Variants in HDAC4 observed in about 807,000 individuals in gnomAD.
HDAC4 encodes the protein histone deacetylase 4.
Under a neutral mutation model 135.1 loss-of-function variants are expected in HDAC4, and 16 were observed. The observed-to-expected ratio is 0.12, with a 90% CI of 0.08 to 0.18. The LOEUF is 0.18. HDAC4 is among the 10% of genes least tolerant of loss of function. The pLI is 1.00. For synonymous variants in HDAC4, 685 were observed against 653.4 expected, an observed-to-expected ratio of 1.05 and a Z score of -0.74; for missense variants, 1,143 against 1,511.8, an observed-to-expected ratio of 0.76 and a Z score of 4.05.
chr2:239,112,000 G>C (rs535476157), intron 13 of HDAC4, among the ~76,000 whole-genome samples: 1 of 152,308 alleles, frequency 6.6e-6, no homozygotes, highest in East Asian at 1.9e-4. Flanking sequence ...TACGTTAACA[G>C]GATAACACAG....
chr2:239,328,980 G>A (rs541533145), intron 2 of HDAC4, among the ~76,000 whole-genome samples: 24 of 152,350 alleles, frequency 1.6e-4, no homozygotes, highest in African/African-American at 4.8e-4. Flanking sequence ...TGGCTGCTGC[G>A]AACCTGCCTG....
At chr2:239,226,909 G>A (rs763714668) in intron 3 of HDAC4, among the ~76,000 whole-genome samples, 10 of 152,206 alleles carry the variant, frequency 6.6e-5, no homozygotes, top group Non-Finnish European at 1.2e-4. Context: ...AAAAATAACA[G>A]AGTGAACACA....
chr2:239,209,021 G>A (rs2046219898), intron 3 of HDAC4, among the ~76,000 whole-genome samples: 1 of 152,172 alleles, frequency 6.6e-6, no homozygotes, highest in South Asian at 2.1e-4. Flanking sequence ...AGACTACAGA[G>A]GCGCGCCATC....
intron 19 of HDAC4, among the ~76,000 whole-genome samples, chr2:239,086,282 A>G (rs1367897626): frequency 1.1e-5 from 1 of 94,422 alleles, no homozygotes; most frequent in Non-Finnish European, 2.2e-5. Flanking sequence ...TCTCGCACGT[A>G]GTCTCTTCCC....
intron 2 of HDAC4, among the ~76,000 whole-genome samples, chr2:239,278,230 G>A (rs564905352): frequency 3.3e-5 from 5 of 151,972 alleles, no homozygotes; most frequent in African/African-American, 1.2e-4. Context: ...CAAGCCAAGT[G>A]GGGGTGACTT....
At chr2:239,096,187 T>C (rs999490834) in intron 16 of HDAC4, among the ~76,000 whole-genome samples, 2 of 152,082 alleles carry the variant, frequency 1.3e-5, no homozygotes, top group African/African-American at 4.8e-5. Flanking sequence ...GCCGGCCCGG[T>C]TAGCACGAGA....
At chr2:239,361,917 A>G (rs1693893816) in intron 1 of HDAC4, among the ~76,000 whole-genome samples, 1 of 152,264 alleles carries the variant, frequency 6.6e-6, no homozygotes, top group Non-Finnish European at 1.5e-5. Flanking sequence ...TCACTTTTCT[A>G]AGAAAACACA....
chr2:239,390,740 G>A (rs989866227), intron 1 of HDAC4, among the ~76,000 whole-genome samples: 13 of 152,126 alleles, frequency 8.5e-5, no homozygotes, highest in African/African-American at 3.1e-4. Context: ...TTGCTACCAG[G>A]AGCCGCCACA....
At chr2:239,274,685 C>A (rs1202479409) in intron 2 of HDAC4, among the ~76,000 whole-genome samples, 1 of 152,234 alleles carries the variant, frequency 6.6e-6, no homozygotes, top group Non-Finnish European at 1.5e-5. Flanking sequence ...TGGCCCTCCA[C>A]GGCGGGGCTC....
intron 6 of HDAC4, among the ~76,000 whole-genome samples, chr2:239,158,342 A>G (rs2042555424): frequency 6.6e-6 from 1 of 152,186 alleles, no homozygotes; most frequent in South Asian, 2.1e-4. Flanking sequence ...TGACTTGTAC[A>G]TGCATCCCAC....
At chr2:239,074,834 C>T (rs10172353) in intron 22 of HDAC4, among the ~76,000 whole-genome samples, 27,030 of 152,160 alleles carry the variant, frequency 0.18, 2,733 homozygotes, top group African/African-American at 0.26. Context: ...GACTTTCCTA[C>T]AAGAGGAAGC....
Position 239,285,229 on chromosome 2 carries a change from G to A in HDAC4, c.23-48565C>T. On this transcript the variant is annotated intron_variant, in intron 2 of 26. Coordinates refer to ENST00000543185, the MANE Select transcript of HDAC4 (RefSeq NM_001378414.1). This position sits in a 1 kb window ranked among gnomAD's most constrained non-coding sequence, Gnocchi z 4.5. The stretch of plus-strand genomic sequence containing the variant: ...ATGAGCACAGAGCCACGGTGGAGGG[G>A]GACAGAGCCACGCTAAGGAGGAACA... 6.6e-6 allele frequency among the ~76,000 whole-genome samples: 1 copy of A among 152,350 alleles called. No individual in the cohort carries two copies. The highest frequency in any genetic ancestry group is 2.4e-5 in the African/African-American group (1 of 41,588).
chr2:239,120,769 G>A (rs1254757046), intron 12 of HDAC4, among the ~76,000 whole-genome samples: 1 of 151,838 alleles, frequency 6.6e-6, no homozygotes, highest in Non-Finnish European at 1.5e-5. Context: ...GTGATGGAGG[G>A]CAGCAACCCC....
intron 2 of HDAC4, among the ~76,000 whole-genome samples, chr2:239,318,899 G>A (rs1174993470): frequency 1.3e-5 from 2 of 152,246 alleles, no homozygotes; most frequent in East Asian, 3.9e-4. Context: ...TTACAAAAAT[G>A]TAGAACACTA....
At chr2:239,378,009 T>C (rs995981026) in intron 1 of HDAC4, among the ~76,000 whole-genome samples, 1 of 152,198 alleles carries the variant, frequency 6.6e-6, no homozygotes, top group Non-Finnish European at 1.5e-5. Flanking sequence ...ATTATGGCCA[T>C]TGTCCTCCAG....
intron 2 of HDAC4, among the ~76,000 whole-genome samples, chr2:239,347,303 A>T (rs558653228): frequency 6.0e-4 from 92 of 152,344 alleles, no homozygotes; most frequent in African/African-American, 2.2e-3. Flanking sequence ...CCCAGAGGAG[A>T]GCCTTCTCCC....
intron 4 of HDAC4, among the ~76,000 whole-genome samples, chr2:239,177,434 A>AGC (rs1434464328): frequency 6.6e-6 from 1 of 152,096 alleles, no homozygotes; most frequent in Non-Finnish European, 1.5e-5. Flanking sequence ...AAACAGAAAA[A>AGC]ACTAACGCAC....
chr2:239,311,461 T>C (rs1265809507), intron 2 of HDAC4, among the ~76,000 whole-genome samples: 4 of 152,316 alleles, frequency 2.6e-5, no homozygotes, highest in South Asian at 4.1e-4. Flanking sequence ...CTGGCACTCC[T>C]TTCCAAGCAT....
At chr2:239,319,876 T>C (rs2053248318) in intron 2 of HDAC4, among the ~76,000 whole-genome samples, 1 of 152,206 alleles carries the variant, frequency 6.6e-6, no homozygotes, top group Non-Finnish European at 1.5e-5. Context: ...TTTAGGAACA[T>C]GTGCATGTAT....
Sources: gnomAD v4.1 joint callset for allele counts (sites outside exome capture counted in the v4.1 genomes callset) on GRCh38, gnomAD v4.1.1 for gene constraint, Gnocchi (gnomAD v3.1) non-coding constraint, MANE v1.5 for transcripts, NCBI Gene and HGNC (gene_info 2026-07-23, HGNC 2026-07-21) for gene names.